The following SYNJ2 variants were observed in gnomAD, a reference collection of about 807,000 sequenced individuals.
SYNJ2 encodes the protein synaptojanin 2, also known as polyphosphatidylinositol phosphatase SYNJ2.
In SYNJ2, 116 loss-of-function variants were observed where a neutral mutation model predicts 141.3. That is an observed-to-expected ratio of 0.82 (90% CI 0.71 to 0.96). The LOEUF is 0.96. Ranked by LOEUF, SYNJ2 falls within the 40% of genes least tolerant of loss-of-function variation. The probability of loss-of-function intolerance (pLI) is 0.00; values close to 1 mark genes in which losing one functional copy is unlikely to be tolerated. For missense variants in SYNJ2, 1,873 were observed against 1,934.8 expected (o/e 0.97, Z 0.60); for synonymous variants, 745 against 777.7 (o/e 0.96, Z 0.70).
At chr6:158,023,936 A>G (rs931656336) in intron 2 of SYNJ2, among the ~76,000 whole-genome samples, 2 of 152,230 alleles carry the variant, frequency 1.3e-5, no homozygotes, top group African/African-American at 4.8e-5. Flanking sequence ...TGAAGAATCG[A>G]GTGACATTTC....
At chr6:158,088,811 G>GC in intron 24 of SYNJ2, 39 bp downstream of exon 24, 2 of 1,461,974 alleles carry the variant, frequency 1.4e-6, no homozygotes, top group South Asian at 1.1e-5. Flanking sequence ...CAAGGGTTTT[G>GC]CCCCCGGGAT....
In SYNJ2 at chr6:158,074,635, G is replaced by A. The variant is rs1424035186; in HGVS notation, c.2189G>A (p.Arg730His). Residue 730 changes from arginine to histidine, a missense_variant, in exon 16 of 27, where the codon CGC becomes CAC. Transcript: ENST00000355585. ...YVFWCGDFNY[R>H]IDLTYEEVFY... is the part of the protein sequence containing the mutation. ...TTTTGGTGTGGCGATTTCAACTACC[G>A]CATTGATCTTACTTATGAAGAAGTC... 3.1e-6 allele frequency: 5 copies of A among 1,613,810 alleles called. No individual in the cohort carries two copies. The highest frequency in any genetic ancestry group is 2.7e-5 in the African/African-American group (2 of 74,876).
chr6:157,991,823 A>G (rs772840779), intron 1 of SYNJ2, among the ~76,000 whole-genome samples: 1 of 152,166 alleles, frequency 6.6e-6, no homozygotes, highest in Non-Finnish European at 1.5e-5. Flanking sequence ...AATACATGAG[A>G]TTATCTCTCC....
intron 4 of SYNJ2, 101 bp downstream of exon 4, chr6:158,033,781 G>A (rs900171345): frequency 2.1e-5 from 26 of 1,238,716 alleles, no homozygotes; most frequent in Non-Finnish European, 2.9e-5. Flanking sequence ...TGGCATATTT[G>A]TGGTGGTCTC....
intron 1 of SYNJ2, among the ~76,000 whole-genome samples, chr6:157,983,803 A>G (rs560952444): frequency 9.6e-4 from 145 of 151,760 alleles, no homozygotes; most frequent in African/African-American, 3.2e-3. Context: ...CCTAGCATTC[A>G]TTTTTCAGTA....
At chr6:157,992,175 A>C (rs1217970164) in intron 1 of SYNJ2, among the ~76,000 whole-genome samples, 2 of 152,194 alleles carry the variant, frequency 1.3e-5, no homozygotes, top group Non-Finnish European at 2.9e-5. Context: ...TAAATTATAT[A>C]GTCACCATGT....
rs888250030 is a variant in SYNJ2 at position 157,981,900 on chromosome 6, G to A, written c.-62G>A. 8.3e-7 allele frequency: 1 copy of A among 1,211,672 alleles called. No individual in the cohort carries two copies. Among genetic ancestry groups the A allele is most frequent in the African/African-American group, 1.6e-5 (1 of 63,796 alleles). 75.1% of individuals were successfully genotyped at this position (1,211,672 alleles called of 1,614,324 possible). A position where few individuals can be genotyped will look rare whatever the true frequency, so the allele number is the denominator to read the frequency against. The stretch of plus-strand genomic sequence containing the variant: ...AGTTGCGGGCGCGCGGGGAGCTGTC[G>A]CGGGCAGCGCGCCCTCGGGAGGACG... On this transcript the variant is annotated 5_prime_UTR_variant, in exon 1 of 27. Transcript: ENST00000355585. This position sits in a 1 kb window ranked among gnomAD's most constrained non-coding sequence, Gnocchi z 6.4.
chr6:158,094,179 C>A, intron 26 of SYNJ2: 1 of 574,994 alleles, frequency 1.7e-6, no homozygotes. Context: ...TGCCATCTGT[C>A]CCTTGTCCAT....
chr6:157,998,865 A>C (rs1464858879), intron 1 of SYNJ2, among the ~76,000 whole-genome samples: 1 of 152,252 alleles, frequency 6.6e-6, no homozygotes, highest in East Asian at 1.9e-4. Context: ...GCCAGCACGC[A>C]GATCTGGAGA....
At chr6:157,991,528 T>G (rs544701645) in intron 1 of SYNJ2, among the ~76,000 whole-genome samples, 1 of 152,316 alleles carries the variant, frequency 6.6e-6, no homozygotes, top group African/African-American at 2.4e-5. Context: ...GGAATTTAGT[T>G]AATTGCTCCG....
intron 17 of SYNJ2, among the ~76,000 whole-genome samples, chr6:158,077,190 C>T (rs1782357489): frequency 6.6e-6 from 1 of 152,140 alleles, no homozygotes; most frequent in Admixed American, 6.5e-5. Flanking sequence ...GACGGGGTTT[C>T]TCCATGTTGG....
At chr6:158,065,256 C>T (rs1278153455) in intron 11 of SYNJ2, among the ~76,000 whole-genome samples, 2 of 152,170 alleles carry the variant, frequency 1.3e-5, no homozygotes, top group Non-Finnish European at 2.9e-5. Context: ...AGGGAGAGGC[C>T]GTGCACTCTC....
chr6:158,039,341 G>T (rs76392335), intron 4 of SYNJ2, among the ~76,000 whole-genome samples: 1,655 of 152,360 alleles, frequency 0.011, 25 homozygotes, highest in African/African-American at 0.038. Flanking sequence ...GTTCTTCTAG[G>T]ATGAGTCAGG....
chr6:157,996,940 C>T (rs144550211), intron 1 of SYNJ2, among the ~76,000 whole-genome samples: 133 of 152,284 alleles, frequency 8.7e-4, no homozygotes, highest in African/African-American at 2.9e-3. Context: ...TACCCAGTCT[C>T]AGGCATTTCT....
In SYNJ2 at chr6:158,040,303, T is replaced by A. The variant is rs377548482; in HGVS notation, c.712-3013T>A. ...GTGTGCCTTGTGTTTGTTTTTCATG[T>A]GTATGTGTGCAGTGTGTGCATTTAT... On this transcript the variant is annotated intron_variant, in intron 4 of 26. Coordinates refer to ENST00000355585, the MANE Select transcript of SYNJ2 (RefSeq NM_003898.4). This position sits in a 1 kb window ranked among gnomAD's most constrained non-coding sequence, Gnocchi z 4.2. 2.0e-5 allele frequency among the ~76,000 whole-genome samples: 3 copies of A among 152,214 alleles called. No individual in the cohort carries two copies. The highest frequency in any genetic ancestry group is 7.2e-5 in the African/African-American group (3 of 41,526).
At chr6:158,069,808 T>C (rs2128373106) in intron 14 of SYNJ2, 135 bp downstream of exon 14, 1 of 1,148,792 alleles carries the variant, frequency 8.7e-7, no homozygotes, top group Non-Finnish European at 1.2e-6. Context: ...TAGATAAATG[T>C]AGCAAAACCC....
rs1778515632 is a variant in SYNJ2, at chr6:158,017,400, C to G, written c.214+110C>G. On this transcript the variant is annotated intron_variant, in intron 2 of 26. Transcript: ENST00000355585. ...ATTCTGTTTGACCGCTCTTCTCTCT[C>G]TCTTCTTTTTTTTTTTTTTTTTTTT... is the stretch of plus-strand genomic sequence containing the variant. 4 of 1,034,908 alleles carry G rather than the reference C, an allele frequency of 3.9e-6. No individual in the cohort carries two copies. In the East Asian group the frequency reaches 1.2e-4, roughly 31 times the overall value. 64.1% of individuals were successfully genotyped at this position (1,034,908 alleles called of 1,614,324 possible). A position where few individuals can be genotyped will look rare whatever the true frequency, so the allele number is the denominator to read the frequency against.
At chr6:157,997,183 G>A (rs563688345) in intron 1 of SYNJ2, among the ~76,000 whole-genome samples, 22 of 152,260 alleles carry the variant, frequency 1.4e-4, no homozygotes, top group East Asian at 7.7e-4. Context: ...GTGTGCTTAC[G>A]TGGGTGTCTT....
intron 4 of SYNJ2, among the ~76,000 whole-genome samples, chr6:158,036,040 G>A (rs774860410): frequency 6.6e-6 from 1 of 151,728 alleles, no homozygotes; most frequent in East Asian, 1.9e-4. Context: ...CATACATGCG[G>A]CCAGCAATCA....
Sources: allele counts gnomAD v4.1 joint callset (sites outside exome capture counted in the v4.1 genomes callset), GRCh38; gene constraint gnomAD v4.1.1; non-coding constraint Gnocchi (gnomAD v3.1); transcripts MANE v1.5; gene names NCBI Gene and HGNC (gene_info 2026-07-23, HGNC 2026-07-21).